SLC4A10: variants seen among roughly 807,000 people sequenced by gnomAD.
SLC4A10 encodes the protein sodium-driven chloride bicarbonate exchanger.
Under a neutral mutation model 137.7 loss-of-function variants are expected in SLC4A10, and 42 were observed. The observed-to-expected ratio is 0.30, with a 90% CI of 0.24 to 0.39. The LOEUF (loss-of-function observed/expected upper bound fraction) is 0.39, where lower values mean the gene tolerates loss of function less well. Ranked by LOEUF, SLC4A10 falls within the 10% of genes least tolerant of loss-of-function variation. The pLI, the probability that SLC4A10 is intolerant of heterozygous loss-of-function variation, is 1.00. For synonymous variants in SLC4A10, 474 were observed against 464.1 expected, an observed-to-expected ratio of 1.02 and a Z score of -0.27; for missense variants, 925 against 1,355.0, an observed-to-expected ratio of 0.68 and a Z score of 4.98.
chr2:161,724,071 A>G (rs2045969495), intron 1 of SLC4A10, among the ~76,000 whole-genome samples: 1 of 152,184 alleles, frequency 6.6e-6, no homozygotes, highest in Non-Finnish European at 1.5e-5. Flanking sequence ...AAACCAATTA[A>G]TCAGCAAGTT....
chr2:161,964,096 C>G (rs1421831963), intron 21 of SLC4A10, 39 bp from the exon 22 acceptor site: 6 of 1,524,334 alleles, frequency 3.9e-6, no homozygotes, highest in Non-Finnish European at 5.3e-6. Context: ...TTATTGTTGT[C>G]TTACACCTAA....
At chr2:161,717,106 G>C (rs2045004068) in intron 1 of SLC4A10, among the ~76,000 whole-genome samples, 1 of 152,024 alleles carries the variant, frequency 6.6e-6, no homozygotes, top group Non-Finnish European at 1.5e-5. Context: ...CTTGTCTGTT[G>C]TTGGTGTATA....
At chr2:161,797,915 T>C (rs919540416) in intron 2 of SLC4A10, among the ~76,000 whole-genome samples, 2 of 152,070 alleles carry the variant, frequency 1.3e-5, no homozygotes, top group African/African-American at 4.8e-5. Flanking sequence ...AGAATAGTCA[T>C]AGTCATGAAG....
At chr2:161,715,247 C>T (rs76399233) in intron 1 of SLC4A10, among the ~76,000 whole-genome samples, 103 of 152,026 alleles carry the variant, frequency 6.8e-4, no homozygotes, top group African/African-American at 2.4e-3. Context: ...ATTAGATAGC[C>T]ATGTATAAAT....
At chr2:161,701,948 G>C (rs2043165087) in intron 1 of SLC4A10, among the ~76,000 whole-genome samples, 1 of 151,932 alleles carries the variant, frequency 6.6e-6, no homozygotes, top group Admixed American at 6.6e-5. Context: ...CTGGTACACT[G>C]TAAGTAGAAA....
At chr2:161,755,771 A>ATT (rs368478470) in intron 1 of SLC4A10, among the ~76,000 whole-genome samples, 24 of 140,372 alleles carry the variant, frequency 1.7e-4, no homozygotes, top group Non-Finnish European at 1.9e-4. Flanking sequence ...CGTTCCTTAA[A>ATT]TTTTTTTTTT....
intron 26 of SLC4A10, among the ~76,000 whole-genome samples, chr2:161,979,481 G>T (rs1699893654): frequency 6.6e-6 from 1 of 152,152 alleles, no homozygotes; most frequent in African/African-American, 2.4e-5. Context: ...AGTTTATCCA[G>T]CTTTCCTTAC....
intron 1 of SLC4A10, among the ~76,000 whole-genome samples, chr2:161,705,284 C>T (rs541849692): frequency 2.0e-5 from 3 of 151,486 alleles, no homozygotes; most frequent in South Asian, 2.1e-4. Context: ...GACCTTGGCC[C>T]TACTAATAAC....
Position 161,803,669 on chromosome 2 carries a change from T to A in SLC4A10, c.131-780T>A, listed in dbSNP as rs138617542. 5.9e-5 allele frequency among the ~76,000 whole-genome samples: 9 copies of A among 152,264 alleles called. No homozygotes were observed. The East Asian group carries it at 1.7e-3, about 29-fold the overall frequency. ...TCACCTAGCAATATGCATTAACAGT[T>A]CTCTCATGTCTTTTTTGTGGTTGAC... On this transcript the variant is annotated intron_variant, in intron 2 of 26. Coordinates refer to ENST00000446997, the MANE Select transcript of SLC4A10 (RefSeq NM_001178015.2).
intron 1 of SLC4A10, among the ~76,000 whole-genome samples, chr2:161,714,804 A>T (rs1002608139): frequency 2.6e-5 from 4 of 151,978 alleles, no homozygotes; most frequent in African/African-American, 9.7e-5. Context: ...CTGTGAAATG[A>T]GGACACTAAT....
At chr2:161,791,050 C>T (rs2054148569) in intron 2 of SLC4A10, among the ~76,000 whole-genome samples, 1 of 152,166 alleles carries the variant, frequency 6.6e-6, no homozygotes, top group South Asian at 2.1e-4. Context: ...TTGTGGAAGA[C>T]AGTGTGGCAA....
chr2:161,660,060 G>A (rs1416280875), intron 1 of SLC4A10, among the ~76,000 whole-genome samples: 1 of 147,602 alleles, frequency 6.8e-6, no homozygotes, highest in Admixed American at 6.8e-5. Context: ...TTCTTTTGGG[G>A]GGTGATGGAA....
intron 4 of SLC4A10, among the ~76,000 whole-genome samples, chr2:161,849,321 A>C (rs2125832116): frequency 6.6e-6 from 1 of 152,214 alleles, no homozygotes. Flanking sequence ...TGGTTTTCCT[A>C]GGTATAGTAT....
At chr2:161,742,132 C>T (rs2047957230) in intron 1 of SLC4A10, among the ~76,000 whole-genome samples, 1 of 152,140 alleles carries the variant, frequency 6.6e-6, no homozygotes, top group Non-Finnish European at 1.5e-5. Context: ...AAGTTCCATC[C>T]ATATTGCATC....
At chr2:161,678,063 A>G (rs1312412326) in intron 1 of SLC4A10, among the ~76,000 whole-genome samples, 1 of 152,060 alleles carries the variant, frequency 6.6e-6, no homozygotes, top group African/African-American at 2.4e-5. Context: ...TCTTGCTTTT[A>G]TCTTTTTTCA....
chr2:161,655,804 A>T (rs1161806273), intron 1 of SLC4A10, among the ~76,000 whole-genome samples: 1 of 152,006 alleles, frequency 6.6e-6, no homozygotes, highest in East Asian at 1.9e-4. Context: ...GTCAACACAC[A>T]TTAAAAATTC....
chr2:161,982,572 G>A (rs1182577446), intron 26 of SLC4A10, among the ~76,000 whole-genome samples: 3 of 152,182 alleles, frequency 2.0e-5, no homozygotes, highest in Non-Finnish European at 2.9e-5. Flanking sequence ...TGTCTGAGGA[G>A]TGAGGTGAAG....
intron 1 of SLC4A10, among the ~76,000 whole-genome samples, chr2:161,762,818 T>C (rs1324078518): frequency 1.3e-5 from 2 of 152,008 alleles, no homozygotes. Flanking sequence ...TTAACGTTAA[T>C]GAGAATTGAA....
chr2:161,855,781 C>G (rs1041647140), intron 5 of SLC4A10, among the ~76,000 whole-genome samples: 4 of 151,556 alleles, frequency 2.6e-5, no homozygotes, highest in African/African-American at 9.7e-5. Flanking sequence ...CAAAATAATA[C>G]AAAAAGACAG....
Sources: gnomAD v4.1 joint callset for allele counts (sites outside exome capture counted in the v4.1 genomes callset) on GRCh38, gnomAD v4.1.1 for gene constraint, MANE v1.5 for transcripts, NCBI Gene and HGNC (gene_info 2026-07-23, HGNC 2026-07-21) for gene names.